GREB1L: variants seen among roughly 807,000 people sequenced by gnomAD.
GREB1L encodes the protein GREB1 like retinoic acid receptor coactivator.
Under a neutral mutation model 200.8 loss-of-function variants are expected in GREB1L, and 17 were observed. That is an observed-to-expected ratio of 0.08 (90% CI 0.06 to 0.13). The LOEUF (loss-of-function observed/expected upper bound fraction) is 0.13, where lower values mean the gene tolerates loss of function less well. GREB1L is among the 10% of genes least tolerant of loss of function. The pLI is 1.00. For synonymous variants in GREB1L, 789 were observed against 893.0 expected (o/e 0.88, Z 2.08); for missense variants, 1,657 against 2,367.7 (o/e 0.70, Z 6.23).
chr18:21,507,048 A>T (rs547008237), intron 25 of GREB1L, among the ~76,000 whole-genome samples: 15 of 152,320 alleles, frequency 9.8e-5, no homozygotes, highest in African/African-American at 3.6e-4. Flanking sequence ...AATACAAATG[A>T]GTACTAGAAA....
chr18:21,471,913 A>G (rs949522552), intron 15 of GREB1L, among the ~76,000 whole-genome samples: 2 of 152,016 alleles, frequency 1.3e-5, no homozygotes, highest in African/African-American at 2.4e-5. Flanking sequence ...GAGCCACCAC[A>G]CCCAGCCACA....
At chr18:21,510,658 ACAAATATCT>A (rs1479143448) in intron 27 of GREB1L, among the ~76,000 whole-genome samples, 1 of 152,234 alleles carries the variant, frequency 6.6e-6, no homozygotes, top group East Asian at 1.9e-4. Flanking sequence ...ACACAGGTAT[ACAAATATCT>A]CAGACCCTTA....
chr18:21,284,530 A>G (rs1181811425), intron 1 of GREB1L, among the ~76,000 whole-genome samples: 1 of 152,174 alleles, frequency 6.6e-6, no homozygotes, highest in Admixed American at 6.5e-5. Context: ...ATGCTACTCC[A>G]TTGCATGATT....
chr18:21,480,079 G>A (rs527360164), intron 17 of GREB1L, among the ~76,000 whole-genome samples: 45 of 152,254 alleles, frequency 3.0e-4, no homozygotes, highest in Non-Finnish European at 1.2e-4. Flanking sequence ...GGCTAGGCGC[G>A]GTGGCTCACG....
chr18:21,324,776 C>T (rs1438063326), intron 1 of GREB1L, among the ~76,000 whole-genome samples: 1 of 152,206 alleles, frequency 6.6e-6, no homozygotes. Flanking sequence ...TGCCACTGCA[C>T]TCCAGCCTGG....
chr18:21,329,250 G>C (rs1417792604), intron 1 of GREB1L, among the ~76,000 whole-genome samples: 1 of 151,132 alleles, frequency 6.6e-6, no homozygotes, highest in African/African-American at 2.4e-5. Context: ...GCTTAAGCCT[G>C]GGAGGTGGAG....
intron 1 of GREB1L, among the ~76,000 whole-genome samples, chr18:21,322,023 T>C (rs1432517893): frequency 6.6e-6 from 1 of 151,998 alleles, no homozygotes; most frequent in Non-Finnish European, 1.5e-5. Flanking sequence ...ACAATAAAGT[T>C]CAAAAAAAAT....
chr18:21,333,741 G>A (rs1156734114), intron 1 of GREB1L, among the ~76,000 whole-genome samples: 1 of 151,928 alleles, frequency 6.6e-6, no homozygotes, highest in African/African-American at 2.4e-5. Context: ...CAACACTTTG[G>A]GAGGCTGAGG....
chr18:21,349,762 A>C (rs2039406167), intron 1 of GREB1L, among the ~76,000 whole-genome samples: 1 of 152,116 alleles, frequency 6.6e-6, no homozygotes, highest in Non-Finnish European at 1.5e-5. Flanking sequence ...CAGAAAAACA[A>C]GTTCAGGGCT....
chr18:21,473,860 A>G (rs1342420348), intron 16 of GREB1L, among the ~76,000 whole-genome samples: 1 of 152,190 alleles, frequency 6.6e-6, no homozygotes, highest in East Asian at 1.9e-4. Context: ...TAAGGCAGGG[A>G]GGAGCAAGTC....
At chr18:21,383,433 C>A in intron 2 of GREB1L, 77 bp from the exon 3 acceptor site, 1 of 1,077,552 alleles carries the variant, frequency 9.3e-7, no homozygotes, top group Non-Finnish European at 1.3e-6. Context: ...TTTAAATTAG[C>A]TCTACCTGTA....
At chr18:21,299,561 C>T (rs540933351) in intron 1 of GREB1L, among the ~76,000 whole-genome samples, 22 of 146,408 alleles carry the variant, frequency 1.5e-4, no homozygotes, top group Admixed American at 4.1e-4. Flanking sequence ...CCCCTCTGTT[C>T]GGAAGTGATA....
chr18:21,388,385 C>T (rs980827165), intron 4 of GREB1L, among the ~76,000 whole-genome samples: 1 of 151,908 alleles, frequency 6.6e-6, no homozygotes. Context: ...AGTAATGAAC[C>T]AATATTGATA....
intron 15 of GREB1L, among the ~76,000 whole-genome samples, chr18:21,472,361 TATAGAC>T (rs1016368720): frequency 2.0e-4 from 31 of 152,334 alleles, no homozygotes; most frequent in African/African-American, 7.2e-4. Flanking sequence ...GTAATTTTAT[TATAGAC>T]AGAGATAATG....
intron 7 of GREB1L, among the ~76,000 whole-genome samples, chr18:21,427,406 G>A (rs2032699240): frequency 6.6e-6 from 1 of 152,034 alleles, no homozygotes; most frequent in South Asian, 2.1e-4. Flanking sequence ...TTGGGAGGCC[G>A]AGGTGGGAGG....
chr18:21,434,499 A>ATGTGTG (rs67516917), intron 7 of GREB1L, among the ~76,000 whole-genome samples: 1,695 of 127,262 alleles, frequency 0.013, 59 homozygotes, highest in African/African-American at 0.051. Context: ...ATATATATAT[A>ATGTGTG]TGTGTGTGTG....
At chr18:21,512,126 G>C (rs1173671909) in intron 27 of GREB1L, among the ~76,000 whole-genome samples, 2 of 152,136 alleles carry the variant, frequency 1.3e-5, no homozygotes, top group Admixed American at 6.5e-5. Flanking sequence ...CAGGAAGTGT[G>C]AGATCTCTAA....
intron 1 of GREB1L, among the ~76,000 whole-genome samples, chr18:21,318,125 A>C (rs1030523834): frequency 1.5e-4 from 20 of 136,606 alleles, no homozygotes; most frequent in Non-Finnish European, 2.7e-4. Context: ...AAAAAAAAAA[A>C]CAAAGAGAGA....
At chr18:21,466,263 AAG>A (rs1336900028) in intron 15 of GREB1L, among the ~76,000 whole-genome samples, 1 of 152,130 alleles carries the variant, frequency 6.6e-6, no homozygotes, top group African/African-American at 2.4e-5. Context: ...GTACACATAT[AAG>A]AGTTTCTCTG....
Sources: allele counts gnomAD v4.1 joint callset (sites outside exome capture counted in the v4.1 genomes callset), GRCh38; gene constraint gnomAD v4.1.1; transcripts MANE v1.5; gene names NCBI Gene and HGNC (gene_info 2026-07-23, HGNC 2026-07-21).